The following SLC9B1 variants were observed in gnomAD, a reference collection of about 807,000 sequenced individuals.
SLC9B1 encodes solute carrier family 9 member B1.
In SLC9B1, 32 loss-of-function variants were observed where a neutral mutation model predicts 51.7. The observed-to-expected ratio is 0.62, with a 90% CI of 0.47 to 0.83. SLC9B1 has a LOEUF of 0.83. SLC9B1 is among the 40% of genes least tolerant of loss of function. SLC9B1 has a pLI of 0.00. For missense variants in SLC9B1, 406 were observed against 613.2 expected, an observed-to-expected ratio of 0.66 and a Z score of 3.57; for synonymous variants, 145 against 212.7, an observed-to-expected ratio of 0.68 and a Z score of 2.77.
At chr4:102,985,799 A>G (rs2110514130) in intron 3 of SLC9B1, among the ~76,000 whole-genome samples, 1 of 152,300 alleles carries the variant, frequency 6.6e-6, no homozygotes, top group Non-Finnish European at 1.5e-5. Flanking sequence ...TGCTGGGATT[A>G]CAGGTGTGAG....
At chr4:102,903,464 A>G (rs1470076380) in intron 11 of SLC9B1, among the ~76,000 whole-genome samples, 5 of 152,344 alleles carry the variant, frequency 3.3e-5, no homozygotes. Flanking sequence ...ACAGTCATAG[A>G]CTTCATTGTA....
intron 9 of SLC9B1, 75 bp from the exon 10 acceptor site, chr4:102,906,719 C>CT: frequency 4.2e-5 from 37 of 878,596 alleles, no homozygotes; most frequent in Admixed American, 5.5e-5. Context: ...TCTTCCCCCC[C>CT]CTTTTTTTTT....
chr4:102,968,323 G>C (rs1025242669), intron 3 of SLC9B1, among the ~76,000 whole-genome samples: 3 of 152,108 alleles, frequency 2.0e-5, no homozygotes, highest in Non-Finnish European at 2.9e-5. Context: ...AGATCCTTAG[G>C]TCATATGCAA....
At chr4:102,898,916 T>C (rs1734662480), downstream of SLC9B1, among the ~76,000 whole-genome samples, 1 of 152,028 alleles carries the variant, frequency 6.6e-6, no homozygotes, top group African/African-American at 2.4e-5. Context: ...TTTATTTTTT[T>C]TGTTATTTGT....
At chr4:102,951,703 A>G (rs1198372531) in intron 3 of SLC9B1, among the ~76,000 whole-genome samples, 2 of 151,928 alleles carry the variant, frequency 1.3e-5, no homozygotes, top group Non-Finnish European at 2.9e-5. Context: ...CACACAAAAA[A>G]ATGAGGTGGA....
chr4:102,886,463 C>T (rs893618234), intron 11 of SLC9B1, among the ~76,000 whole-genome samples: 13 of 151,868 alleles, frequency 8.6e-5, no homozygotes, highest in African/African-American at 2.4e-4. Context: ...TGCACTCCAG[C>T]CTGGGCGACA....
intron 7 of SLC9B1, among the ~76,000 whole-genome samples, chr4:102,931,408 C>G (rs1234252087): frequency 2.0e-5 from 3 of 151,880 alleles, no homozygotes; most frequent in African/African-American, 4.8e-5. Context: ...TTCTTTTCTT[C>G]TGGATGTGAC....
At chr4:103,011,351 A>G (rs1192497047) in intron 1 of SLC9B1, among the ~76,000 whole-genome samples, 1 of 152,146 alleles carries the variant, frequency 6.6e-6, no homozygotes, top group Admixed American at 6.5e-5. Context: ...CCTTGCCTGC[A>G]TGGCTTTAGG....
intron 11 of SLC9B1, among the ~76,000 whole-genome samples, chr4:102,903,604 T>A (rs1734888626): frequency 6.6e-6 from 1 of 152,280 alleles, no homozygotes; most frequent in African/African-American, 2.4e-5. Context: ...TAGAGGTTTT[T>A]TTTGCATGAA....
intron 1 of SLC9B1, among the ~76,000 whole-genome samples, chr4:103,009,010 G>T (rs759905087): frequency 6.6e-6 from 1 of 152,102 alleles, no homozygotes; most frequent in South Asian, 2.1e-4. Flanking sequence ...GTGTTAGCCA[G>T]GATGGTTTTG....
chr4:102,968,513 A>G (rs1204189907), intron 3 of SLC9B1, among the ~76,000 whole-genome samples: 1 of 152,246 alleles, frequency 6.6e-6, no homozygotes, highest in Non-Finnish European at 1.5e-5. Flanking sequence ...AAAATGATGA[A>G]ATCTTTGCTT....
chr4:102,885,111 T>G, exon 12 of SLC9B1: 1 of 919,834 alleles, frequency 1.1e-6, no homozygotes, highest in Non-Finnish European at 1.8e-6. Flanking sequence ...TAAAAAGGAA[T>G]TAATGTAAAA....
intron 3 of SLC9B1, among the ~76,000 whole-genome samples, chr4:102,967,064 G>T (rs1307326794): frequency 6.6e-6 from 1 of 152,224 alleles, no homozygotes; most frequent in Non-Finnish European, 1.5e-5. Flanking sequence ...TTGGTCTCCA[G>T]TTCCTAATAC....
intron 11 of SLC9B1, among the ~76,000 whole-genome samples, chr4:102,895,604 C>T (rs1191417450): frequency 1.3e-5 from 2 of 152,086 alleles, no homozygotes; most frequent in Non-Finnish European, 2.9e-5. Flanking sequence ...AATGTGTACA[C>T]ATAAGAAAAT....
At chr4:102,930,517 G>C (rs960630028) in intron 7 of SLC9B1, among the ~76,000 whole-genome samples, 1 of 152,160 alleles carries the variant, frequency 6.6e-6, no homozygotes, top group African/African-American at 2.4e-5. Flanking sequence ...TGATTCTTCT[G>C]CTTCAGCCTC....
chr4:102,982,083 G>T (rs191846604), intron 3 of SLC9B1, among the ~76,000 whole-genome samples: 74 of 151,580 alleles, frequency 4.9e-4, no homozygotes, highest in African/African-American at 1.5e-3. Context: ...AAGTTTTAAG[G>T]TCTATGTATA....
At chr4:102,980,057 T>C (rs1429277089) in intron 3 of SLC9B1, among the ~76,000 whole-genome samples, 1 of 152,162 alleles carries the variant, frequency 6.6e-6, no homozygotes, top group Non-Finnish European at 1.5e-5. Context: ...TACCATCTTA[T>C]GCCAGTCAGA....
At chr4:102,956,626 A>G (rs1374108683) in intron 3 of SLC9B1, among the ~76,000 whole-genome samples, 1 of 152,160 alleles carries the variant, frequency 6.6e-6, no homozygotes, top group Non-Finnish European at 1.5e-5. Flanking sequence ...CAACAATAAC[A>G]ACAACAACAC....
intron 3 of SLC9B1, among the ~76,000 whole-genome samples, chr4:102,958,957 G>A (rs1261559588): frequency 6.6e-6 from 1 of 151,552 alleles, no homozygotes; most frequent in South Asian, 2.1e-4. Flanking sequence ...AATTGAAATA[G>A]GGCACTAAAA....
Sources: gnomAD v4.1 joint callset for allele counts (sites outside exome capture counted in the v4.1 genomes callset) on GRCh38, gnomAD v4.1.1 for gene constraint, MANE v1.5 for transcripts, NCBI Gene and HGNC (gene_info 2026-07-23, HGNC 2026-07-21) for gene names.